Variants in LRMDA observed in about 807,000 individuals in gnomAD.
LRMDA encodes leucine rich melanocyte differentiation associated, also known as leucine-rich melanocyte differentiation-associated protein.
LRMDA carries 18 observed loss-of-function variants against 29.8 expected under a neutral mutation model. That is an observed-to-expected ratio of 0.60 (90% confidence interval 0.42 to 0.90). The LOEUF is 0.90. Among genes scored for constraint, LRMDA ranks in the 40% least tolerant of loss-of-function variants. The pLI is 0.00. For synonymous variants in LRMDA, 125 were observed against 109.4 expected (o/e 1.14, Z -0.89); for missense variants, 273 against 273.9 (o/e 1.00, Z 0.02).
intron 5 of LRMDA, among the ~76,000 whole-genome samples, chr10:76,223,466 T>C (rs1851887114): frequency 6.6e-6 from 1 of 152,178 alleles, no homozygotes; most frequent in Admixed American, 6.5e-5. Context: ...TATAATGTTA[T>C]AGACTGAATC....
At chr10:76,532,191 G>C (rs574558642) in intron 6 of LRMDA, among the ~76,000 whole-genome samples, 1 of 151,966 alleles carries the variant, frequency 6.6e-6, no homozygotes, top group South Asian at 2.1e-4. Flanking sequence ...CATACCCCCC[G>C]ACAGGCCCTG....
chr10:75,857,748 A>G (rs1844852471), intron 2 of LRMDA, among the ~76,000 whole-genome samples: 1 of 152,218 alleles, frequency 6.6e-6, no homozygotes, highest in Non-Finnish European at 1.5e-5. Flanking sequence ...TCTTGTTTAT[A>G]CAGAAGTAAA....
chr10:75,789,699 A>G (rs77717458), intron 2 of LRMDA, among the ~76,000 whole-genome samples: 2,057 of 152,278 alleles, frequency 0.014, 55 homozygotes, highest in African/African-American at 0.047. Context: ...TTCTCTCCCA[A>G]CTATATTGAA....
In LRMDA at chr10:76,497,866, C is replaced by G. The variant is rs1280423235; in HGVS notation, c.602-59343C>G. Among the ~76,000 whole-genome samples, 3 of 75,526 alleles carry G rather than the reference C, an allele frequency of 4.0e-5. 1 individual carries two copies. Among genetic ancestry groups the G allele is most frequent in the African/African-American group, 9.7e-5 (3 of 31,066 alleles). The allele number at this position is 75,526 out of a possible 152,430, so 49.5% of individuals were successfully genotyped here. A position where few individuals can be genotyped will look rare whatever the true frequency, so the allele number is the denominator to read the frequency against. ...GCATCCTTCCTGTCTAAATTTTTAT[C>G]AGATGAGCACTTTTCCTTGGCAAGT... On this transcript the variant is annotated intron_variant, in intron 6 of 6. Coordinates refer to ENST00000611255, the MANE Select transcript of LRMDA (RefSeq NM_001305581.2).
At chr10:75,643,600 A>T (rs1841480229) in intron 2 of LRMDA, among the ~76,000 whole-genome samples, 1 of 152,212 alleles carries the variant, frequency 6.6e-6, no homozygotes, top group Admixed American at 6.5e-5. Context: ...TATTGCTGTG[A>T]GATGTGTGAT....
intron 5 of LRMDA, among the ~76,000 whole-genome samples, chr10:76,105,966 C>T (rs184640849): frequency 0.017 from 2,583 of 152,194 alleles, 45 homozygotes; most frequent in Non-Finnish European, 0.027. Context: ...AGGCTGGTCT[C>T]AAACTCCTGA....
At chr10:76,328,157 G>T (rs915450013) in intron 6 of LRMDA, among the ~76,000 whole-genome samples, 1 of 152,162 alleles carries the variant, frequency 6.6e-6, no homozygotes, top group Non-Finnish European at 1.5e-5. Flanking sequence ...AATCTCAGTT[G>T]TTCCCTCGTG....
At chr10:76,443,241 G>A (rs1842321798) in intron 6 of LRMDA, among the ~76,000 whole-genome samples, 1 of 152,118 alleles carries the variant, frequency 6.6e-6, no homozygotes, top group Non-Finnish European at 1.5e-5. Flanking sequence ...TATTTGTTTG[G>A]TTTAAGGGGG....
At chr10:75,749,266 C>T (rs146774732) in intron 2 of LRMDA, among the ~76,000 whole-genome samples, 217 of 152,130 alleles carry the variant, frequency 1.4e-3, no homozygotes, top group Middle Eastern at 3.4e-3. Flanking sequence ...ACATACAAAA[C>T]GTGTTAACCT....
At chr10:76,122,684 C>A (rs1326477465) in intron 5 of LRMDA, among the ~76,000 whole-genome samples, 1 of 152,126 alleles carries the variant, frequency 6.6e-6, no homozygotes, top group African/African-American at 2.4e-5. Flanking sequence ...AATGCAAAGC[C>A]GGCCTCTTTC....
chr10:75,920,377 C>T (rs1220692708), intron 2 of LRMDA, among the ~76,000 whole-genome samples: 1 of 152,126 alleles, frequency 6.6e-6, no homozygotes, highest in Non-Finnish European at 1.5e-5. Context: ...GTGATCATGA[C>T]TTAGAAATGA....
chr10:76,286,162 A>G (rs1840268663), intron 5 of LRMDA, among the ~76,000 whole-genome samples: 1 of 152,218 alleles, frequency 6.6e-6, no homozygotes, highest in Admixed American at 6.5e-5. Context: ...TTTTATAAAT[A>G]TCAATATTTG....
intron 2 of LRMDA, among the ~76,000 whole-genome samples, chr10:75,619,173 TGAGGAGAAGGAG>T (rs1490404050): frequency 6.6e-6 from 1 of 152,062 alleles, no homozygotes; most frequent in Non-Finnish European, 1.5e-5. Context: ...TTGAGTAGGC[TGAGGAGAAGGAG>T]GAGGAAGAGG....
intron 5 of LRMDA, among the ~76,000 whole-genome samples, chr10:76,257,990 A>G (rs1839888034): frequency 6.6e-6 from 1 of 152,230 alleles, no homozygotes; most frequent in South Asian, 2.1e-4. Context: ...GGAAAACTCC[A>G]TGCTCAAGTA....
intron 5 of LRMDA, among the ~76,000 whole-genome samples, chr10:76,240,814 A>G (rs538528877): frequency 2.0e-3 from 59 of 28,984 alleles, no homozygotes; most frequent in African/African-American, 5.8e-3. Flanking sequence ...ACACATATAT[A>G]TGTATATATA....
At chr10:75,928,107 T>C (rs1376206764) in intron 2 of LRMDA, among the ~76,000 whole-genome samples, 1 of 152,108 alleles carries the variant, frequency 6.6e-6, no homozygotes, top group African/African-American at 2.4e-5. Flanking sequence ...TGATAGAGAA[T>C]GTCAGAGCTT....
chr10:76,428,644 A>G (rs1259399660), intron 6 of LRMDA, among the ~76,000 whole-genome samples: 1 of 152,128 alleles, frequency 6.6e-6, no homozygotes, highest in African/African-American at 2.4e-5. Flanking sequence ...TATGAGATAC[A>G]GTGGGGGTGA....
intron 2 of LRMDA, among the ~76,000 whole-genome samples, chr10:75,523,008 C>T (rs572101342): frequency 6.6e-6 from 1 of 152,326 alleles, no homozygotes; most frequent in African/African-American, 2.4e-5. Flanking sequence ...TGGCCTGGCC[C>T]CAGCTTTGCC....
chr10:76,545,130 G>A (rs2132388886), intron 6 of LRMDA, among the ~76,000 whole-genome samples: 1 of 151,872 alleles, frequency 6.6e-6, no homozygotes, highest in Non-Finnish European at 1.5e-5. Flanking sequence ...AGTTGTTACA[G>A]GGTCTGCTTA....
Sources: allele counts gnomAD v4.1 joint callset (sites outside exome capture counted in the v4.1 genomes callset), GRCh38; gene constraint gnomAD v4.1.1; transcripts MANE v1.5; gene names NCBI Gene and HGNC (gene_info 2026-07-23, HGNC 2026-07-21).